The following NECAB1 variants were observed in gnomAD, a reference collection of about 807,000 sequenced individuals.
NECAB1 encodes the protein N-terminal EF-hand calcium binding protein 1, also known as N-terminal EF-hand calcium-binding protein 1.
Under a neutral mutation model 57.5 loss-of-function variants are expected in NECAB1, and 29 were observed. The ratio of observed to expected loss-of-function variants is 0.50; its 90% CI spans 0.38 to 0.69. The LOEUF is 0.69. NECAB1 is among the 30% of genes least tolerant of loss of function. NECAB1 has a pLI of 0.00. For missense variants in NECAB1, 372 were observed against 413.8 expected (o/e 0.90, Z 0.88); for synonymous variants, 142 against 147.7 (o/e 0.96, Z 0.28).
intron 12 of NECAB1, among the ~76,000 whole-genome samples, chr8:90,953,308 C>T (rs1810956497): frequency 6.6e-6 from 1 of 152,154 alleles, no homozygotes; most frequent in Non-Finnish European, 1.5e-5. Flanking sequence ...TTATCATTAT[C>T]TGGAATTATT....
chr8:90,932,147 CTTAG>C (rs768501335), intron 8 of NECAB1, among the ~76,000 whole-genome samples: 48 of 152,050 alleles, frequency 3.2e-4, no homozygotes, highest in Non-Finnish European at 5.9e-4. Flanking sequence ...GAAATTGTAC[CTTAG>C]TTAGTGTCAG....
chr8:90,914,260 A>C (rs1474112561), intron 5 of NECAB1, among the ~76,000 whole-genome samples: 1 of 152,196 alleles, frequency 6.6e-6, no homozygotes, highest in Non-Finnish European at 1.5e-5. Flanking sequence ...ACAATGAAAA[A>C]TTCTACATCC....
At chr8:90,954,209 T>A (rs2130282650) in intron 12 of NECAB1, among the ~76,000 whole-genome samples, 1 of 152,176 alleles carries the variant, frequency 6.6e-6, no homozygotes, top group South Asian at 2.1e-4. Flanking sequence ...GTATTTCTAA[T>A]TTTACTCACA....
At chr8:90,880,092 TAAATA>T (rs1808809565) in intron 4 of NECAB1, among the ~76,000 whole-genome samples, 1 of 152,184 alleles carries the variant, frequency 6.6e-6, no homozygotes, top group East Asian at 1.9e-4. Flanking sequence ...CCTAGAGTAT[TAAATA>T]AATTAATCAA....
chr8:90,894,475 T>C (rs1809274458), intron 5 of NECAB1, among the ~76,000 whole-genome samples: 1 of 152,214 alleles, frequency 6.6e-6, no homozygotes, highest in Non-Finnish European at 1.5e-5. Flanking sequence ...GCTCTGCTAC[T>C]TGCTAGCATA....
intron 12 of NECAB1, among the ~76,000 whole-genome samples, chr8:90,954,855 A>AT (rs894187425): frequency 1.3e-5 from 2 of 148,296 alleles, no homozygotes; most frequent in African/African-American, 4.9e-5. Context: ...ATTTATAAAT[A>AT]TATGTATACA....
In NECAB1 at chr8:90,861,720, G is replaced by GA. The variant is rs111271539; in HGVS notation, c.234-10401dup. On this transcript the variant is annotated intron_variant, in intron 3 of 12. Transcript: ENST00000417640. ...ATTCGATCTTCACAAACAATGTTGT[G>GA]AAAAAAATATTATTAACCTTAATTT... 2.0e-3 allele frequency among the ~76,000 whole-genome samples: 299 copies of GA among 152,180 alleles called. 1 individual carries two copies. The highest frequency in any genetic ancestry group is 7.0e-3 in the African/African-American group (289 of 41,534).
intron 12 of NECAB1, among the ~76,000 whole-genome samples, chr8:90,954,683 A>G (rs1810986226): frequency 6.6e-6 from 1 of 151,768 alleles, no homozygotes; most frequent in Admixed American, 6.6e-5. Flanking sequence ...ATACAGATAT[A>G]CTAAAATATT....
intron 4 of NECAB1, among the ~76,000 whole-genome samples, chr8:90,872,991 ACCATAAAAAAAGG>A (rs1249552291): frequency 6.6e-6 from 1 of 152,106 alleles, no homozygotes; most frequent in Non-Finnish European, 1.5e-5. Flanking sequence ...ATTTACCAAA[ACCATAAAAAAAGG>A]CCATTTTCTT....
At chr8:90,841,100 C>A (rs1411708845) in intron 3 of NECAB1, among the ~76,000 whole-genome samples, 1 of 148,650 alleles carries the variant, frequency 6.7e-6, no homozygotes, top group African/African-American at 2.5e-5. Flanking sequence ...ACTAAAAATA[C>A]AAAAAAAAAA....
intron 12 of NECAB1, among the ~76,000 whole-genome samples, chr8:90,952,919 C>T (rs1034114496): frequency 5.3e-5 from 8 of 152,174 alleles, no homozygotes; most frequent in Non-Finnish European, 8.8e-5. Flanking sequence ...TTTATCTTCA[C>T]ATTCCCTACC....
intron 2 of NECAB1, among the ~76,000 whole-genome samples, chr8:90,811,092 C>T (rs1008677170): frequency 1.6e-4 from 24 of 151,988 alleles, no homozygotes; most frequent in African/African-American, 5.6e-4. Flanking sequence ...GGACTACAGG[C>T]GCTTGCCACC....
At chr8:90,823,303 T>C (rs1408101540) in intron 2 of NECAB1, among the ~76,000 whole-genome samples, 1 of 151,866 alleles carries the variant, frequency 6.6e-6, no homozygotes, top group Non-Finnish European at 1.5e-5. Flanking sequence ...AATTAGATTA[T>C]TGTGCCTTTT....
At chr8:90,882,615 G>A (rs1808865706) in intron 5 of NECAB1, among the ~76,000 whole-genome samples, 1 of 151,884 alleles carries the variant, frequency 6.6e-6, no homozygotes, top group South Asian at 2.1e-4. Context: ...TAAATACCAT[G>A]GCCTCAGAAA....
chr8:90,854,890 T>C (rs1294345898), intron 3 of NECAB1, among the ~76,000 whole-genome samples: 3 of 152,208 alleles, frequency 2.0e-5, no homozygotes, highest in Non-Finnish European at 4.4e-5. Context: ...GACACCCTAA[T>C]TGGGATCTCT....
chr8:90,955,006 T>C (rs898668846), intron 12 of NECAB1, among the ~76,000 whole-genome samples: 1 of 67,708 alleles, frequency 1.5e-5, no homozygotes, highest in African/African-American at 4.9e-5. Flanking sequence ...TATGTACACA[T>C]ATGCATATAT....
intron 3 of NECAB1, among the ~76,000 whole-genome samples, chr8:90,826,403 G>A (rs1812225374): frequency 1.3e-5 from 2 of 151,896 alleles, no homozygotes; most frequent in South Asian, 4.1e-4. Context: ...TTAAGGACAG[G>A]CTTAAAGGGG....
chr8:90,930,958 G>A (rs1271653063), intron 8 of NECAB1, among the ~76,000 whole-genome samples: 2 of 152,116 alleles, frequency 1.3e-5, no homozygotes, highest in African/African-American at 2.4e-5. Flanking sequence ...GGACAAAACT[G>A]TCTTTATTTG....
chr8:90,907,217 C>T (rs1809712005), intron 5 of NECAB1, among the ~76,000 whole-genome samples: 1 of 143,644 alleles, frequency 7.0e-6, no homozygotes, highest in Non-Finnish European at 1.5e-5. Flanking sequence ...TTTTAGCTAG[C>T]TAATACTATG....
Sources: allele counts gnomAD v4.1 joint callset (sites outside exome capture counted in the v4.1 genomes callset), GRCh38; gene constraint gnomAD v4.1.1; transcripts MANE v1.5; gene names NCBI Gene and HGNC (gene_info 2026-07-23, HGNC 2026-07-21).